The following ASXL2 variants were observed in gnomAD, a reference collection of about 807,000 sequenced individuals.
ASXL2 encodes the protein ASXL transcriptional regulator 2.
Under a neutral mutation model 122.0 loss-of-function variants are expected in ASXL2, and 23 were observed. The observed-to-expected ratio is 0.19, with a 90% CI of 0.14 to 0.27. The LOEUF is 0.27. Ranked by LOEUF, ASXL2 falls within the 10% of genes least tolerant of loss-of-function variation. ASXL2 has a pLI of 1.00. For missense variants in ASXL2, 1,518 were observed against 1,713.8 expected, an observed-to-expected ratio of 0.89 and a Z score of 2.02; for synonymous variants, 650 against 637.0, an observed-to-expected ratio of 1.02 and a Z score of -0.31.
Position 25,738,484 on chromosome 2 carries a change from G to A in ASXL2, c.*3545C>T, listed in dbSNP as rs187100670. ...TAGCACACAGTTGTAAGGAGATGGG[G>A]AGACTTTTCCCTCCTTGCTATGATG... is the stretch of plus-strand genomic sequence containing the variant. On this transcript the variant is annotated 3_prime_UTR_variant, in exon 13 of 13. Transcript: ENST00000435504. 3.9e-5 allele frequency: 6 copies of A among 152,294 alleles called. No individual in the cohort carries two copies. Among genetic ancestry groups the A allele is most frequent in the East Asian group, 1.9e-4 (1 of 5,176 alleles). 9.4% of individuals were successfully genotyped at this position (152,294 alleles called of 1,614,324 possible).
chr2:25,777,693 TTTA>T (rs1255927573), intron 5 of ASXL2, among the ~76,000 whole-genome samples: 1 of 152,178 alleles, frequency 6.6e-6, no homozygotes, highest in Non-Finnish European at 1.5e-5. Flanking sequence ...GACATATAAT[TTTA>T]TTATTAATAA....
Position 25,759,599 on chromosome 2 carries a change from C to T in ASXL2, c.822G>A (p.Pro274=), listed in dbSNP as rs369962968. 203 of 1,613,548 alleles carry T rather than the reference C, an allele frequency of 1.3e-4. No individual in the cohort carries two copies. In the African/African-American group the frequency reaches 2.1e-3, roughly 17 times the overall value. Residue 274 remains proline (P), a synonymous_variant, in exon 9 of 13, where the codon CCG becomes CCA. Coordinates refer to ENST00000435504, the MANE Select transcript of ASXL2 (RefSeq NM_018263.6). ...TKCADIDVET[P]DSILVNTNLR... ...GATTTGTATTAACCAGAATGGAGTCCGGTGTCTCAACGTCAATGTCAGCAC... is the reference window on the plus strand; with the variant it reads ...GATTTGTATTAACCAGAATGGAGTCTGGTGTCTCAACGTCAATGTCAGCAC...
At chr2:25,858,411 T>C (rs1371182032) in intron 1 of ASXL2, among the ~76,000 whole-genome samples, 5 of 149,826 alleles carry the variant, frequency 3.3e-5, no homozygotes, top group East Asian at 3.9e-4. Context: ...CCATTGTGTC[T>C]ACATTCCAAA....
chr2:25,765,207 T>C (rs983052486), intron 8 of ASXL2, among the ~76,000 whole-genome samples: 5 of 152,130 alleles, frequency 3.3e-5, no homozygotes, highest in South Asian at 2.1e-4. Context: ...ATTGTGTGGC[T>C]GGGGGCGGTG....
rs2087864230 is a variant in ASXL2, at chr2:25,743,097, G to A, written c.3240C>T (p.Leu1080=). 6.2e-7 allele frequency: 1 copy of A among 1,613,908 alleles called. No individual in the cohort carries two copies. Among genetic ancestry groups the A allele is most frequent in the African/African-American group, 1.3e-5 (1 of 74,932 alleles). Residue 1080 remains leucine (L), a synonymous_variant, in exon 13 of 13, where the codon CTC becomes CTT. Transcript: ENST00000435504. ...TGAACTGTGAGGGCGGCACAACTGA[G>A]AGAAGATTCTGCCTCCGAACCCTCT... ...LIQRVRRQNL[L]SVVPPSQFNF... is the part of the protein sequence containing the mutation.
At chr2:25,775,744 C>A (rs1483161033) in intron 5 of ASXL2, among the ~76,000 whole-genome samples, 1 of 152,180 alleles carries the variant, frequency 6.6e-6, no homozygotes, top group East Asian at 1.9e-4. Context: ...ATTACCCAGT[C>A]TCAGGTATTT....
intron 7 of ASXL2, among the ~76,000 whole-genome samples, chr2:25,768,118 A>G (rs1205414249): frequency 6.6e-6 from 1 of 152,198 alleles, no homozygotes; most frequent in Non-Finnish European, 1.5e-5. Context: ...TGTCCAAAAG[A>G]AACTCAAAGG....
At position 25,864,134 on chromosome 2, in the gene ASXL2, T is replaced by C. The variant is rs1165188275; in HGVS notation, c.57+14032A>G. Among the ~76,000 whole-genome samples the C allele has an allele frequency of 2.6e-5, 4 of 152,100 alleles. No individual in the cohort carries two copies. In the South Asian group the frequency reaches 6.2e-4, roughly 24 times the overall value. ...TGTCCAGAAGAAATGGCATGTTTCA[T>C]GAACCACTCGTTAACGGTGGAGCAC... On this transcript the variant is annotated intron_variant, in intron 1 of 12. Coordinates refer to ENST00000435504, the MANE Select transcript of ASXL2 (RefSeq NM_018263.6).
At chr2:25,804,853 C>T (rs1389138599) in intron 4 of ASXL2, among the ~76,000 whole-genome samples, 5 of 152,080 alleles carry the variant, frequency 3.3e-5, no homozygotes, top group African/African-American at 1.2e-4. Flanking sequence ...AGTTTGAGAC[C>T]AGCCTGGCCA....
intron 2 of ASXL2, among the ~76,000 whole-genome samples, chr2:25,843,216 G>C (rs1010095653): frequency 1.3e-5 from 2 of 151,710 alleles, no homozygotes; most frequent in African/African-American, 2.4e-5. Flanking sequence ...GCAGGAGAAT[G>C]GGGTGAACCT....
intron 3 of ASXL2, among the ~76,000 whole-genome samples, chr2:25,808,642 A>C (rs2089119350): frequency 6.6e-6 from 1 of 152,152 alleles, no homozygotes; most frequent in African/African-American, 2.4e-5. Context: ...AAAATTTTTA[A>C]AGTAGTATTA....
chr2:25,751,382 G>A (rs1374985759), intron 11 of ASXL2, among the ~76,000 whole-genome samples: 3 of 152,196 alleles, frequency 2.0e-5, no homozygotes, highest in African/African-American at 7.2e-5. Context: ...GCTCATGCCT[G>A]TAATCCCAGC....
At chr2:25,799,567 C>A (rs1044546512) in intron 4 of ASXL2, 32 bp from the exon 5 acceptor site, 1 of 1,576,194 alleles carries the variant, frequency 6.3e-7, no homozygotes, top group Non-Finnish European at 8.6e-7. Context: ...TAGGATTAAT[C>A]ATTACCATTT....
chr2:25,799,300 C>T, intron 5 of ASXL2, 85 bp downstream of exon 5: 1 of 1,581,792 alleles, frequency 6.3e-7, no homozygotes, highest in Non-Finnish European at 8.7e-7. Flanking sequence ...ACTGACTGAC[C>T]TGGAGTCTGG....
chr2:25,773,373 A>G (rs752378605), intron 5 of ASXL2, among the ~76,000 whole-genome samples: 5 of 151,494 alleles, frequency 3.3e-5, no homozygotes, highest in Non-Finnish European at 5.9e-5. Context: ...GCAAAAAGAA[A>G]TCATAGCCTT....
chr2:25,856,784 A>G (rs999642622), intron 1 of ASXL2: 4 of 1,277,404 alleles, frequency 3.1e-6, no homozygotes, highest in Non-Finnish European at 4.5e-6. Flanking sequence ...AGGACTGGGC[A>G]ATCCTCTTGG....
At chr2:25,785,976 G>A (rs374302921) in intron 5 of ASXL2, among the ~76,000 whole-genome samples, 26 of 152,248 alleles carry the variant, frequency 1.7e-4, no homozygotes, top group Non-Finnish European at 3.1e-4. Flanking sequence ...AGAGTTAAAC[G>A]CAAACTATGA....
At chr2:25,768,636 G>C in intron 7 of ASXL2, 106 bp downstream of exon 7, 1 of 1,267,046 alleles carries the variant, frequency 7.9e-7, no homozygotes. Flanking sequence ...GATTGTGTAA[G>C]TAAATATAAT....
At chr2:25,844,485 G>A (rs2089626642) in intron 2 of ASXL2, among the ~76,000 whole-genome samples, 1 of 151,662 alleles carries the variant, frequency 6.6e-6, no homozygotes, top group Admixed American at 6.6e-5. Context: ...GCTGAGGCAG[G>A]AGAAATGCTT....
Sources: allele counts gnomAD v4.1 joint callset (sites outside exome capture counted in the v4.1 genomes callset), GRCh38; gene constraint gnomAD v4.1.1; transcripts MANE v1.5; gene names NCBI Gene and HGNC (gene_info 2026-07-23, HGNC 2026-07-21).